ANG: variants seen among roughly 807,000 people sequenced by gnomAD.
The protein encoded by ANG is angiogenin.
For missense variants in ANG, 178 were observed against 187.4 expected (o/e 0.95, Z 0.29); for synonymous variants, 74 against 73.8 (o/e 1.00, Z -0.02).
At chr14:20,692,093 A>C (rs531157480) in intron 1 of ANG, among the ~76,000 whole-genome samples, 2 of 152,374 alleles carry the variant, frequency 1.3e-5, no homozygotes, top group Admixed American at 1.3e-4. Context: ...CACAAAATAA[A>C]AAATTAATAA....
chr14:20,691,694 C>T (rs527643469), intron 1 of ANG, among the ~76,000 whole-genome samples: 1 of 152,162 alleles, frequency 6.6e-6, no homozygotes, highest in Non-Finnish European at 1.5e-5. Flanking sequence ...CTGAAGAATA[C>T]CAAATAATAT....
chr14:20,693,696 C>T lies in ANG; in HGVS notation c.132C>T (p.Gly44=), dbSNP rs147701713. The change falls in exon 2 of 2, where the codon GGC becomes GGT. Residue 44 remains glycine, a synonymous_variant. Coordinates refer to ENST00000397990, the MANE Select transcript of ANG (RefSeq NM_001097577.3). ...AGCACTATGATGCCAAACCACAGGGCCGGGATGACAGATACTGTGAAAGCA... is the reference window on the plus strand; with the variant it reads ...AGCACTATGATGCCAAACCACAGGGTCGGGATGACAGATACTGTGAAAGCA... ...LTQHYDAKPQ[G]RDDRYCESIM... The T allele has an allele frequency of 1.7e-4, 274 of 1,614,140 alleles. No homozygotes were observed. The highest frequency in any genetic ancestry group is 5.4e-4 in the South Asian group (49 of 91,086).
In ANG at chr14:20,693,797, A is replaced by C; in HGVS notation, c.233A>C (p.Lys78Thr). 6.2e-7 allele frequency: 1 copy of C among 1,614,214 alleles called. No homozygotes were observed. The highest frequency in any genetic ancestry group is 8.5e-7 in the Non-Finnish European group (1 of 1,180,038). Residue 78 changes from lysine (K) to threonine (T), a missense_variant, in exon 2 of 2, where the codon AAG (lysine) becomes ACG (threonine). By Grantham distance (78) the Lys-to-Thr change is moderately conservative. Transcript: ENST00000397990. Reference protein sequence around the residue: ...TFIHGNKRSIKAICENKNGNP... With the variant: ...TFIHGNKRSITAICENKNGNP... ...ATTCATGGCAACAAGCGCAGCATCA[A>C]GGCCATCTGTGAAAACAAGAATGGA... is the stretch of plus-strand genomic sequence containing the variant.
upstream of ANG, among the ~76,000 whole-genome samples, chr14:20,687,607 C>G (rs190840536): frequency 6.6e-6 from 1 of 152,334 alleles, no homozygotes; most frequent in African/African-American, 2.4e-5. Flanking sequence ...GGTTCAAAGT[C>G]TGACTCCACC....
upstream of ANG, among the ~76,000 whole-genome samples, chr14:20,685,293 G>C (rs1886373009): frequency 6.6e-6 from 1 of 152,150 alleles, no homozygotes; most frequent in Non-Finnish European, 1.5e-5. Context: ...GGGATCCTCC[G>C]TTTTCTCGCT....
chr14:20,692,497 T>G (rs972457942), intron 1 of ANG, among the ~76,000 whole-genome samples: 15 of 152,274 alleles, frequency 9.9e-5, no homozygotes, highest in African/African-American at 3.4e-4. Context: ...GCCTAAGCTC[T>G]GCCTCCTGCC....
At chr14:20,685,679 C>T (rs1394472147), upstream of ANG, among the ~76,000 whole-genome samples, 4 of 152,164 alleles carry the variant, frequency 2.6e-5, no homozygotes, top group African/African-American at 9.7e-5. Context: ...AGGTTTCCTT[C>T]GAACAGCAAC....
upstream of ANG, among the ~76,000 whole-genome samples, chr14:20,687,316 C>T (rs1886472649): frequency 6.6e-6 from 1 of 152,206 alleles, no homozygotes. Flanking sequence ...TGTGTATCCT[C>T]CAAAGGTTGT....
At position 20,693,933 on chromosome 14, in the gene ANG, G is replaced by A; in HGVS notation, c.369G>A (p.Gly123=). Residue 123 remains glycine (G), a synonymous_variant, in exon 2 of 2, where the codon GGG becomes GGA. Transcript: ENST00000397990. Reference sequence around the variant, plus strand: ...CATGCCAGTACCGAGCCACAGCGGGGTTCAGAAACGTTGTTGTTGCTTGTG... The same window carrying A: ...CATGCCAGTACCGAGCCACAGCGGGATTCAGAAACGTTGTTGTTGCTTGTG... The part of the protein sequence containing the change: ...WPPCQYRATA[G]FRNVVVACEN... 2 of 1,614,100 alleles carry A rather than the reference G, an allele frequency of 1.2e-6. No homozygotes were observed. Among genetic ancestry groups the A allele is most frequent in the Non-Finnish European group, 1.7e-6 (2 of 1,180,020 alleles).
chr14:20,684,571 A>G (rs1389343369), upstream of ANG: 1 of 152,248 alleles, frequency 6.6e-6, no homozygotes, highest in Non-Finnish European at 1.5e-5. Flanking sequence ...CCACGCCCCC[A>G]TCTCCGTCCG....
upstream of ANG, chr14:20,688,580 T>C (rs1454259874): frequency 4.9e-6 from 3 of 616,674 alleles, no homozygotes; most frequent in Non-Finnish European, 6.1e-6. Flanking sequence ...GAAGGCCATG[T>C]TTCTCAAACT....
In ANG at chr14:20,693,929, C is replaced by A; in HGVS notation, c.365C>A (p.Ala122Glu). 1 of 1,614,094 alleles carries A rather than the reference C, an allele frequency of 6.2e-7. No individual in the cohort carries two copies. Among genetic ancestry groups the A allele is most frequent in the Non-Finnish European group, 8.5e-7 (1 of 1,180,024 alleles). The change falls in exon 2 of 2, where the codon GCG becomes GAG. Residue 122 changes from alanine (A) to glutamate (E), a missense_variant. Physicochemically the swap from Ala to Glu is moderately radical, Grantham distance 107 (BLOSUM62 -1). Coordinates refer to ENST00000397990, the MANE Select transcript of ANG (RefSeq NM_001097577.3). ...CCTCCATGCCAGTACCGAGCCACAG[C>A]GGGGTTCAGAAACGTTGTTGTTGCT... is the stretch of plus-strand genomic sequence containing the variant. ...PWPPCQYRAT[A>E]GFRNVVVACE...
At chr14:20,693,312 A>T (rs1886898442) in intron 1 of ANG, among the ~76,000 whole-genome samples, 1 of 152,224 alleles carries the variant, frequency 6.6e-6, no homozygotes, top group African/African-American at 2.4e-5. Context: ...ATTCTAAGGG[A>T]TGGGGAAGAA....
intron 1 of ANG, among the ~76,000 whole-genome samples, chr14:20,690,082 G>A (rs1886646981): frequency 6.8e-6 from 1 of 148,138 alleles, no homozygotes; most frequent in Non-Finnish European, 1.5e-5. Flanking sequence ...GGGCGCGGTG[G>A]CGGGCGCCTG....
At chr14:20,686,473 T>C (rs907002784), upstream of ANG, among the ~76,000 whole-genome samples, 12 of 152,228 alleles carry the variant, frequency 7.9e-5, no homozygotes, top group Non-Finnish European at 2.9e-5. Flanking sequence ...AACCTTTCTT[T>C]AGGAGTTTTT....
chr14:20,688,692 A>C (rs1195771533), upstream of ANG: 1 of 985,262 alleles, frequency 1.0e-6, no homozygotes, highest in African/African-American at 1.7e-5. Context: ...GTTCAAGAGC[A>C]GTGTCCTTGG....
At chr14:20,684,736 T>C (rs117978329), upstream of ANG, 3,868 of 152,678 alleles carry the variant, frequency 0.025, 66 homozygotes, top group South Asian at 0.042. Flanking sequence ...TGCCCGTTTC[T>C]GCGGACTTGT....
chr14:20,688,338 C>T (rs904150177), upstream of ANG, among the ~76,000 whole-genome samples: 9 of 152,048 alleles, frequency 5.9e-5, no homozygotes, highest in East Asian at 7.7e-4. Context: ...TGATGTGATA[C>T]GATAAATAGG....
rs761921842 is a variant in ANG, at chr14:20,693,972, T to C, written c.408T>C (p.Pro136=). 6.2e-7 allele frequency: 1 copy of C among 1,614,020 alleles called. No homozygotes were observed. The highest frequency in any genetic ancestry group is 1.3e-5 in the African/African-American group (1 of 74,902). The stretch of plus-strand genomic sequence containing the variant: ...TTGTTGCTTGTGAAAATGGCTTACC[T>C]GTCCACTTGGATCAGTCAATTTTCC... ...NVVVACENGL[P]VHLDQSIFRR... The change falls in exon 2 of 2, where the codon CCT becomes CCC. Residue 136 remains proline, a synonymous_variant. Transcript: ENST00000397990.
Sources: gnomAD v4.1 joint callset for allele counts (sites outside exome capture counted in the v4.1 genomes callset) on GRCh38, gnomAD v4.1.1 for gene constraint, MANE v1.5 for transcripts, NCBI Gene and HGNC (gene_info 2026-07-23, HGNC 2026-07-21) for gene names.